Variants in ACTN4 observed in about 807,000 individuals in gnomAD.
ACTN4 encodes the protein alpha-actinin-4.
In ACTN4, 18 loss-of-function variants were observed where a neutral mutation model predicts 114.2. That is an observed-to-expected ratio of 0.16 (90% CI 0.11 to 0.23). The LOEUF (loss-of-function observed/expected upper bound fraction) is 0.23. Among genes scored for constraint, ACTN4 ranks in the 10% least tolerant of loss-of-function variants. The pLI is 1.00. For synonymous variants in ACTN4, 515 were observed against 506.3 expected (o/e 1.02, Z -0.23); for missense variants, 722 against 1,262.9 (o/e 0.57, Z 6.49).
chr19:38,696,412 G>A (rs1391156880), intron 1 of ACTN4, among the ~76,000 whole-genome samples: 1 of 152,018 alleles, frequency 6.6e-6, no homozygotes, highest in Non-Finnish European at 1.5e-5. Flanking sequence ...TGGGCGCATA[G>A]GGCCCCCATC....
intron 1 of ACTN4, among the ~76,000 whole-genome samples, chr19:38,698,091 C>T (rs57230275): frequency 0.052 from 7,821 of 151,682 alleles, 222 homozygotes; most frequent in South Asian, 0.096. Flanking sequence ...GAGGGTGGGC[C>T]GGGGACAGAG....
intron 1 of ACTN4, among the ~76,000 whole-genome samples, chr19:38,652,648 G>A (rs1012062701): frequency 2.6e-5 from 4 of 152,162 alleles, no homozygotes; most frequent in East Asian, 1.9e-4. Flanking sequence ...TCCATTTAAC[G>A]GCAGCCGACT....
intron 1 of ACTN4, 152 bp from the exon 2 acceptor site, chr19:38,700,448 A>G (rs1968233592): frequency 5.6e-6 from 4 of 709,814 alleles, no homozygotes; most frequent in Admixed American, 2.0e-5. Flanking sequence ...ATCAGAAACA[A>G]TGTGTGTATC....
At chr19:38,697,083 G>T (rs7246615) in intron 1 of ACTN4, among the ~76,000 whole-genome samples, 2,353 of 152,176 alleles carry the variant, frequency 0.015, 76 homozygotes, top group African/African-American at 0.054. Context: ...AGCAAGATGT[G>T]AATCCGCACC....
chr19:38,715,859 GC>G (rs1297679596), intron 9 of ACTN4, among the ~76,000 whole-genome samples: 1 of 152,174 alleles, frequency 6.6e-6, no homozygotes, highest in Admixed American at 6.5e-5. Context: ...CACTTCTCCA[GC>G]TTGTCCGTGC....
intron 5 of ACTN4, among the ~76,000 whole-genome samples, chr19:38,707,710 C>T (rs955685594): frequency 5.3e-5 from 8 of 152,184 alleles, no homozygotes; most frequent in Non-Finnish European, 7.3e-5. Context: ...CCACCTCCCC[C>T]GAAGCGGCCT....
intron 1 of ACTN4, among the ~76,000 whole-genome samples, chr19:38,664,643 C>T (rs1481417942): frequency 1.3e-5 from 2 of 152,166 alleles, no homozygotes; most frequent in African/African-American, 2.4e-5. Flanking sequence ...GGATTGAGCC[C>T]GTCCCTGCAG....
At chr19:38,648,036 G>A in intron 1 of ACTN4, 129 bp downstream of exon 1, 1 of 1,145,680 alleles carries the variant, frequency 8.7e-7, no homozygotes, top group Non-Finnish European at 1.1e-6. Context: ...GGAATTGGCG[G>A]GTCCGGGAAG....
intron 5 of ACTN4, among the ~76,000 whole-genome samples, chr19:38,706,332 C>T (rs1215531929): frequency 6.6e-6 from 1 of 152,252 alleles, no homozygotes; most frequent in Non-Finnish European, 1.5e-5. Context: ...CCCAGCCATC[C>T]TGGCTGAAGG....
intron 1 of ACTN4, among the ~76,000 whole-genome samples, chr19:38,677,190 C>T (rs1198361725): frequency 6.6e-6 from 1 of 151,566 alleles, no homozygotes; most frequent in Non-Finnish European, 1.5e-5. Context: ...AGGTTAGGAG[C>T]ATGTCCATCA....
chr19:38,710,165 G>A, intron 7 of ACTN4, 92 bp from the exon 8 acceptor site: 1 of 1,360,144 alleles, frequency 7.4e-7, no homozygotes, highest in Non-Finnish European at 1.0e-6. Context: ...TCTCCCCCAA[G>A]GCCGTGGCCT....
rs777443891 is a variant in ACTN4 at position 38,729,513 on chromosome 19, G to GTATC, written c.*85_*88dup. ...CCCCACAGTCCCATTCCTCCACTCT[G>GTATC]TATCTATGCAAAGCACTCTCTGCAG... On this transcript the variant is annotated 3_prime_UTR_variant, in exon 21 of 21. Coordinates refer to ENST00000252699, the MANE Select transcript of ACTN4 (RefSeq NM_004924.6). 1.9e-5 allele frequency: 21 copies of GTATC among 1,112,744 alleles called. No homozygotes were observed. The highest frequency in any genetic ancestry group is 5.6e-5 in the East Asian group (1 of 17,852). The allele number at this position is 1,112,744 out of a possible 1,614,324, so 68.9% of individuals were successfully genotyped here.
At chr19:38,672,234 G>A (rs1410363901) in intron 1 of ACTN4, among the ~76,000 whole-genome samples, 1 of 139,994 alleles carries the variant, frequency 7.1e-6, no homozygotes, top group Non-Finnish European at 1.5e-5. Context: ...TCTTACATGT[G>A]GTTCTTTTTT....
chr19:38,724,412 A>T lies in ACTN4; in HGVS notation c.1876-19A>T. 1.2e-6 allele frequency: 2 copies of T among 1,612,684 alleles called. No homozygotes were observed. The highest frequency in any genetic ancestry group is 1.7e-6 in the Non-Finnish European group (2 of 1,179,660). On this transcript the variant is annotated intron_variant, in intron 15 of 20. Coordinates refer to ENST00000252699, the MANE Select transcript of ACTN4 (RefSeq NM_004924.6). This position sits in a 1 kb window ranked among gnomAD's most constrained non-coding sequence, Gnocchi z 7.0. The stretch of plus-strand genomic sequence containing the variant: ...GGGCCACCTCCCTGACCGCTCCCAC[A>T]CCGCGTCTCCTCTGCCAGGTGCAGC...
intron 8 of ACTN4, among the ~76,000 whole-genome samples, chr19:38,711,878 C>T (rs1169891695): frequency 1.3e-5 from 2 of 152,220 alleles, no homozygotes; most frequent in African/African-American, 2.4e-5. Context: ...ACAGAGCTTG[C>T]GTGGCAGTGG....
intron 8 of ACTN4, among the ~76,000 whole-genome samples, chr19:38,711,597 C>T (rs931672872): frequency 2.6e-5 from 4 of 152,214 alleles, no homozygotes; most frequent in African/African-American, 7.2e-5. Context: ...ACAGCCCACC[C>T]TGGGAGGTGG....
chr19:38,731,181 C>T lies in ACTN4; in HGVS notation c.*1749C>T, dbSNP rs368414227. On this transcript the variant is annotated 3_prime_UTR_variant, in exon 21 of 21. Transcript: ENST00000252699. ...CACACGCAGACGGCTATCCCGGTAG[C>T]GGCTGGTGAGGGTCTGGGTCAGCTG... 3.9e-5 allele frequency: 63 copies of T among 1,612,888 alleles called. No individual in the cohort carries two copies. The highest frequency in any genetic ancestry group is 3.3e-4 in the Middle Eastern group (2 of 6,044).
rs370506420 is a variant in ACTN4 at position 38,724,363 on chromosome 19, G to A, written c.1875+24G>A. The A allele has an allele frequency of 2.7e-5, 43 of 1,612,604 alleles. No individual in the cohort carries two copies. The highest frequency in any genetic ancestry group is 1.6e-4 in the South Asian group (15 of 91,062). ...AGGTGGGCCGGGGCCATCCGTAGGG[G>A]CTGGGGCAGGACGGCGGGGCTGGGG... On this transcript the variant is annotated intron_variant, in intron 15 of 20. Transcript: ENST00000252699. The surrounding 1 kb of genome is among the most constrained non-coding windows in gnomAD (Gnocchi z 7.0).
In ACTN4 at chr19:38,717,380, G is replaced by C; in HGVS notation, c.1143+64G>C. The C allele has an allele frequency of 1.3e-6, 2 of 1,568,604 alleles. No individual in the cohort carries two copies. The highest frequency in any genetic ancestry group is 1.7e-6 in the Non-Finnish European group (2 of 1,156,374). On this transcript the variant is annotated intron_variant, in intron 10 of 20. Transcript: ENST00000252699. This position sits in a 1 kb window ranked among gnomAD's most constrained non-coding sequence, Gnocchi z 4.0. ...CAGAGGCAGCCCTAGAACTGCCTGT[G>C]GGCAGTTTGGCCAGCGTAATCTTTC...
Sources: gnomAD v4.1 joint callset for allele counts (sites outside exome capture counted in the v4.1 genomes callset) on GRCh38, gnomAD v4.1.1 for gene constraint, Gnocchi (gnomAD v3.1) non-coding constraint, MANE v1.5 for transcripts, NCBI Gene and HGNC (gene_info 2026-07-23, HGNC 2026-07-21) for gene names.